ZFYVE9: variants seen among roughly 807,000 people sequenced by gnomAD.
ZFYVE9 encodes zinc finger FYVE domain-containing protein 9.
ZFYVE9 carries 43 observed loss-of-function variants against 126.7 expected under a neutral mutation model. The observed-to-expected ratio is 0.34, with a 90% CI of 0.27 to 0.44. The LOEUF (loss-of-function observed/expected upper bound fraction) is 0.44. Among genes scored for constraint, ZFYVE9 ranks in the 20% least tolerant of loss-of-function variants. ZFYVE9 has a pLI of 1.00. For missense variants in ZFYVE9, 1,476 were observed against 1,697.0 expected, an observed-to-expected ratio of 0.87 and a Z score of 2.29; for synonymous variants, 521 against 597.4, an observed-to-expected ratio of 0.87 and a Z score of 1.87.
chr1:52,345,310 G>T lies in ZFYVE9; in HGVS notation c.4116+366G>T, dbSNP rs78292794. Among the ~76,000 whole-genome samples, 652 of 152,244 alleles carry T rather than the reference G, an allele frequency of 4.3e-3. 3 individuals are homozygous for T. The highest frequency in any genetic ancestry group is 0.015 in the African/African-American group (618 of 41,532). ...GCTCCGAGTCACTTGGAACTTGGGT[G>T]TAGGCTCAGCTTGATCCCCCTTCCC... On this transcript the variant is annotated intron_variant, in intron 18 of 18. Coordinates refer to ENST00000287727, the MANE Select transcript of ZFYVE9 (RefSeq NM_004799.4).
chr1:52,318,113 T>TA (rs1257238498), intron 13 of ZFYVE9, among the ~76,000 whole-genome samples: 1 of 152,168 alleles, frequency 6.6e-6, no homozygotes, highest in African/African-American at 2.4e-5. Flanking sequence ...CTATACATCA[T>TA]ACCTCTCATG....
intron 1 of ZFYVE9, among the ~76,000 whole-genome samples, chr1:52,143,520 C>G (rs1280131875): frequency 6.6e-6 from 1 of 152,056 alleles, no homozygotes; most frequent in African/African-American, 2.4e-5. Flanking sequence ...AGAAAGGTAC[C>G]ATGTTGGCTC....
In ZFYVE9 at chr1:52,268,651, A is replaced by G. The variant is rs756426018; in HGVS notation, c.2625+19A>G. ...AGCAGAGGTAAGAAAACAAAACAGC[A>G]ACTAAAATTGCATAGCTACTTTACT... On this transcript the variant is annotated intron_variant, in intron 7 of 18. Transcript: ENST00000287727. 1.5e-5 allele frequency: 24 copies of G among 1,610,358 alleles called. No homozygotes were observed. Among genetic ancestry groups the G allele is most frequent in the Non-Finnish European group, 2.0e-5 (23 of 1,177,556 alleles).
At chr1:52,257,405 A>G (rs1161959337) in intron 4 of ZFYVE9, among the ~76,000 whole-genome samples, 1 of 152,220 alleles carries the variant, frequency 6.6e-6, no homozygotes, top group Non-Finnish European at 1.5e-5. Flanking sequence ...GGAACACAGA[A>G]GTGCCACATT....
intron 1 of ZFYVE9, among the ~76,000 whole-genome samples, chr1:52,158,103 G>GCCATCTC (rs1644420067): frequency 1.3e-5 from 2 of 152,156 alleles, no homozygotes; most frequent in Admixed American, 1.3e-4. Context: ...GCAAGTTTAT[G>GCCATCTC]CCATCTCCCA....
chr1:52,185,338 A>G (rs1449240718), intron 1 of ZFYVE9, among the ~76,000 whole-genome samples: 2 of 152,216 alleles, frequency 1.3e-5, no homozygotes. Flanking sequence ...TTCTAATGCC[A>G]CACCATGCTA....
intron 4 of ZFYVE9, among the ~76,000 whole-genome samples, chr1:52,242,092 C>T (rs1645340197): frequency 7.6e-6 from 1 of 132,418 alleles, no homozygotes; most frequent in Non-Finnish European, 1.5e-5. Flanking sequence ...GAGTGTATGG[C>T]GTGATCTCAG....
chr1:52,270,027 T>C (rs1393738388), intron 7 of ZFYVE9, among the ~76,000 whole-genome samples: 1 of 151,642 alleles, frequency 6.6e-6, no homozygotes, highest in African/African-American at 2.4e-5. Context: ...TTCACCTATC[T>C]TCATCAACTT....
chr1:52,315,033 A>G (rs1646171383), intron 13 of ZFYVE9, among the ~76,000 whole-genome samples: 1 of 147,474 alleles, frequency 6.8e-6, no homozygotes, highest in Non-Finnish European at 1.5e-5. Context: ...GGAGAATACC[A>G]AATATTGGAA....
At chr1:52,166,973 T>A (rs928728621) in intron 1 of ZFYVE9, among the ~76,000 whole-genome samples, 1 of 152,224 alleles carries the variant, frequency 6.6e-6, no homozygotes, top group Non-Finnish European at 1.5e-5. Context: ...TATCAATTGA[T>A]CTTTATAAAA....
chr1:52,239,675 G>A, intron 4 of ZFYVE9, 80 bp downstream of exon 4: 2 of 1,468,850 alleles, frequency 1.4e-6, no homozygotes, highest in Non-Finnish European at 9.1e-7. Context: ...GGCAATGTAA[G>A]GTGAATATAT....
chr1:52,144,249 G>A (rs1294258689), intron 1 of ZFYVE9, among the ~76,000 whole-genome samples: 1 of 152,082 alleles, frequency 6.6e-6, no homozygotes, highest in Non-Finnish European at 1.5e-5. Flanking sequence ...AACCTGGGAG[G>A]CAGACGTTGC....
intron 4 of ZFYVE9, among the ~76,000 whole-genome samples, chr1:52,248,884 A>G (rs946970030): frequency 1.3e-5 from 2 of 152,220 alleles, no homozygotes; most frequent in African/African-American, 4.8e-5. Context: ...ATTCCCGTCA[A>G]CAATTCACAA....
intron 15 of ZFYVE9, among the ~76,000 whole-genome samples, chr1:52,337,380 T>C (rs558496906): frequency 3.3e-5 from 5 of 152,350 alleles, no homozygotes; most frequent in African/African-American, 7.2e-5. Flanking sequence ...TTATTGGGCA[T>C]TCACTGTATG....
At chr1:52,315,464 G>C (rs956119083) in intron 13 of ZFYVE9, among the ~76,000 whole-genome samples, 1 of 152,088 alleles carries the variant, frequency 6.6e-6, no homozygotes, top group Non-Finnish European at 1.5e-5. Context: ...GTAATGTATT[G>C]CGGAATTTAT....
intron 17 of ZFYVE9, among the ~76,000 whole-genome samples, chr1:52,341,903 C>T (rs897133577): frequency 2.0e-5 from 3 of 152,322 alleles, no homozygotes; most frequent in East Asian, 3.9e-4. Context: ...GAGTCTGGAA[C>T]GTGTAAAACA....
chr1:52,151,174 T>C (rs1288623939), intron 1 of ZFYVE9, among the ~76,000 whole-genome samples: 2 of 152,178 alleles, frequency 1.3e-5, no homozygotes, highest in African/African-American at 2.4e-5. Context: ...CATCCTGTTC[T>C]TCCAAGATTC....
intron 12 of ZFYVE9, among the ~76,000 whole-genome samples, chr1:52,299,684 A>G (rs1646014154): frequency 6.6e-6 from 1 of 152,192 alleles, no homozygotes; most frequent in Admixed American, 6.5e-5. Context: ...GGGCTCCCTC[A>G]TTCTGTTGGG....
intron 2 of ZFYVE9, among the ~76,000 whole-genome samples, chr1:52,220,546 T>C (rs867650992): frequency 3.9e-5 from 6 of 152,212 alleles, no homozygotes; most frequent in Non-Finnish European, 7.4e-5. Flanking sequence ...GCTGCTTCTT[T>C]AGGGTTTCCT....
Sources: gnomAD v4.1 joint callset for allele counts (sites outside exome capture counted in the v4.1 genomes callset) on GRCh38, gnomAD v4.1.1 for gene constraint, MANE v1.5 for transcripts, NCBI Gene and HGNC (gene_info 2026-07-23, HGNC 2026-07-21) for gene names.